The following ROBO2 variants were observed in gnomAD, a reference collection of about 807,000 sequenced individuals.
The protein encoded by ROBO2 is roundabout guidance receptor 2, also known as roundabout homolog 2.
ROBO2 carries 53 observed loss-of-function variants against 160.8 expected under a neutral mutation model. The ratio of observed to expected loss-of-function variants is 0.33; its 90% CI spans 0.26 to 0.41. The LOEUF (loss-of-function observed/expected upper bound fraction) is 0.41. Among genes scored for constraint, ROBO2 ranks in the 10% least tolerant of loss-of-function variants. The probability of loss-of-function intolerance (pLI) is 1.00; values close to 1 mark genes in which losing one functional copy is unlikely to be tolerated. For missense variants in ROBO2, 1,577 were observed against 1,722.4 expected (o/e 0.92, Z 1.49); for synonymous variants, 664 against 611.7 (o/e 1.09, Z -1.26).
intron 12 of ROBO2, 123 bp from the exon 14 acceptor site, chr3:77,568,190 A>C: frequency 7.6e-6 from 8 of 1,059,400 alleles, no homozygotes; most frequent in Non-Finnish European, 1.1e-5. Flanking sequence ...TTTTGTCACA[A>C]GAGAGTTTTC....
At chr3:76,051,847 A>G (rs1339884570) in intron 2 of ROBO2, among the ~76,000 whole-genome samples, 7 of 146,960 alleles carry the variant, frequency 4.8e-5, no homozygotes, top group Non-Finnish European at 7.5e-5. Flanking sequence ...CTGTATTCCT[A>G]TAAATTTAGT....
chr3:76,502,640 T>C (rs2080526670), intron 2 of ROBO2, among the ~76,000 whole-genome samples: 1 of 152,176 alleles, frequency 6.6e-6, no homozygotes, highest in Non-Finnish European at 1.5e-5. Context: ...ATGAGATGTT[T>C]TGATATAGGC....
At chr3:77,343,622 G>A (rs895452451) in intron 2 of ROBO2, among the ~76,000 whole-genome samples, 3 of 152,118 alleles carry the variant, frequency 2.0e-5, no homozygotes, top group Admixed American at 2.0e-4. Flanking sequence ...CTCCTAGCTG[G>A]CAAGAAAGAC....
chr3:76,860,231 T>A (rs2070604718), intron 2 of ROBO2, among the ~76,000 whole-genome samples: 1 of 152,156 alleles, frequency 6.6e-6, no homozygotes, highest in Admixed American at 6.6e-5. Flanking sequence ...CCCGACGGCT[T>A]TCTGTTTATT....
intron 2 of ROBO2, among the ~76,000 whole-genome samples, chr3:76,919,085 G>A (rs2076506345): frequency 6.6e-6 from 1 of 151,800 alleles, no homozygotes; most frequent in South Asian, 2.1e-4. Flanking sequence ...TTTGTCAGAT[G>A]GCGCAATGCC....
chr3:76,528,681 C>T (rs2082069236), intron 2 of ROBO2, among the ~76,000 whole-genome samples: 1 of 151,962 alleles, frequency 6.6e-6, no homozygotes, highest in Non-Finnish European at 1.5e-5. Flanking sequence ...GGTTAGGCTG[C>T]ATATGTAGGT....
intron 2 of ROBO2, among the ~76,000 whole-genome samples, chr3:76,502,147 G>C (rs901276818): frequency 6.6e-6 from 1 of 151,976 alleles, no homozygotes; most frequent in Admixed American, 6.6e-5. Context: ...ATCAGGCTTT[G>C]TTAGGACAAT....
At chr3:76,918,922 T>C (rs1460828820) in intron 2 of ROBO2, among the ~76,000 whole-genome samples, 1 of 152,196 alleles carries the variant, frequency 6.6e-6, no homozygotes, top group African/African-American at 2.4e-5. Flanking sequence ...TGATCAGTGA[T>C]GTTGAGCTTT....
At chr3:77,415,527 A>G (rs1241116064) in intron 2 of ROBO2, among the ~76,000 whole-genome samples, 1 of 152,122 alleles carries the variant, frequency 6.6e-6, no homozygotes, top group Non-Finnish European at 1.5e-5. Flanking sequence ...CCAGCCAGAA[A>G]TCTCTGTGGC....
intron 2 of ROBO2, among the ~76,000 whole-genome samples, chr3:77,429,928 C>A (rs774572707): frequency 6.6e-6 from 1 of 152,122 alleles, no homozygotes; most frequent in African/African-American, 2.4e-5. Flanking sequence ...ATGGTAGAGC[C>A]TAAGAGTGGG....
chr3:76,376,098 T>C (rs1421838778), intron 2 of ROBO2, among the ~76,000 whole-genome samples: 1 of 152,146 alleles, frequency 6.6e-6, no homozygotes, highest in African/African-American at 2.4e-5. Context: ...ACTTATCATA[T>C]TTGTTGAATG....
At chr3:77,461,006 A>G (rs927763391) in intron 2 of ROBO2, among the ~76,000 whole-genome samples, 1 of 152,204 alleles carries the variant, frequency 6.6e-6, no homozygotes, top group Non-Finnish European at 1.5e-5. Flanking sequence ...TAATGGCTAT[A>G]TTAGTATACT....
At chr3:77,105,667 A>G (rs1037028167) in intron 2 of ROBO2, among the ~76,000 whole-genome samples, 15 of 152,190 alleles carry the variant, frequency 9.9e-5, no homozygotes, top group Admixed American at 9.8e-4. Context: ...GTATTTTGAT[A>G]CGAGGTTTAT....
rs554142064 is a variant in ROBO2, at chr3:76,312,664, A to T, written c.109+375062A>T. ...CAAGCAGTTATTTATGTTAGCCTGC[A>T]TGCTGGCCTTTAGTAGCTTAGGATT... is the stretch of plus-strand genomic sequence containing the variant. On this transcript the variant is annotated intron_variant, in intron 2 of 26. Transcript: ENST00000487694. 3.9e-5 allele frequency among the ~76,000 whole-genome samples: 6 copies of T among 152,346 alleles called. No homozygotes were observed. The South Asian group carries it at 1.2e-3, about 32-fold the overall frequency.
intron 2 of ROBO2, among the ~76,000 whole-genome samples, chr3:76,405,316 T>C (rs538545813): frequency 5.3e-5 from 8 of 150,774 alleles, no homozygotes; most frequent in African/African-American, 1.2e-4. Context: ...GAGTGAAAGA[T>C]TGGAGATGAA....
intron 1 of ROBO2, among the ~76,000 whole-genome samples, chr3:77,097,537 G>T (rs546801329): frequency 6.6e-6 from 1 of 152,030 alleles, no homozygotes. Flanking sequence ...TGCCTCATCT[G>T]TTAAATGCAG....
At chr3:76,933,732 G>T (rs897374223) in intron 2 of ROBO2, among the ~76,000 whole-genome samples, 2 of 152,138 alleles carry the variant, frequency 1.3e-5, no homozygotes, top group African/African-American at 2.4e-5. Flanking sequence ...ATTGATGAGG[G>T]TTATATATTC....
intron 2 of ROBO2, among the ~76,000 whole-genome samples, chr3:76,343,215 A>G (rs899543337): frequency 6.6e-6 from 1 of 152,106 alleles, no homozygotes; most frequent in Non-Finnish European, 1.5e-5. Flanking sequence ...CAGACCAAAT[A>G]ATCTCTATTA....
intron 2 of ROBO2, among the ~76,000 whole-genome samples, chr3:76,074,979 C>T (rs1349045238): frequency 2.0e-5 from 3 of 152,052 alleles, no homozygotes; most frequent in Non-Finnish European, 4.4e-5. Flanking sequence ...TAGAAACATA[C>T]TTGGGGGATG....
Sources: gnomAD v4.1 joint callset for allele counts (sites outside exome capture counted in the v4.1 genomes callset) on GRCh38, gnomAD v4.1.1 for gene constraint, MANE v1.5 for transcripts, NCBI Gene and HGNC (gene_info 2026-07-23, HGNC 2026-07-21) for gene names.